The following UBE3D variants were observed in gnomAD, a reference collection of about 807,000 sequenced individuals.
The protein encoded by UBE3D is ubiquitin protein ligase E3D, also known as E3 ubiquitin-protein ligase E3D.
A neutral mutation model predicts 49.6 loss-of-function variants in UBE3D; 48 were observed. The ratio of observed to expected loss-of-function variants is 0.97; its 90% CI spans 0.77 to 1.23. The LOEUF (loss-of-function observed/expected upper bound fraction) is 1.23. UBE3D is among the 50% of genes most tolerant of loss of function. The probability of loss-of-function intolerance (pLI) is 0.00; values close to 1 mark genes in which losing one functional copy is unlikely to be tolerated. For synonymous variants in UBE3D, 189 were observed against 174.2 expected, an observed-to-expected ratio of 1.08 and a Z score of -0.67; for missense variants, 452 against 468.4, an observed-to-expected ratio of 0.96 and a Z score of 0.32.
chr6:83,015,048 T>C (rs1044224214), intron 8 of UBE3D, among the ~76,000 whole-genome samples: 4 of 152,196 alleles, frequency 2.6e-5, no homozygotes, highest in Non-Finnish European at 5.9e-5. Flanking sequence ...CACCTTGCCT[T>C]TGACAGCTGA....
Position 82,957,419 on chromosome 6 carries a change from C to T in UBE3D, c.1042G>A (p.Val348Ile), listed in dbSNP as rs139765458. The T allele has an allele frequency of 2.7e-4, 428 of 1,614,002 alleles. No individual in the cohort carries two copies. The African/African-American group carries it at 3.7e-3, about 14-fold the overall frequency. ...GCAGAGGGCAGGGTTAGCGGGTGGA[C>T]GCTGATGTCACTTTCCCACAAGCTG... ...LVSLWESDIS[V>I]HPLTLPSATC... The change falls in exon 9 of 10, where the codon GTC becomes ATC. Residue 348 changes from valine (V) to isoleucine (I), a missense_variant. Physicochemically the swap from Val to Ile is conservative, Grantham distance 29. Transcript: ENST00000369747.
intron 9 of UBE3D, among the ~76,000 whole-genome samples, chr6:82,940,871 A>G (rs1316734559): frequency 4.6e-5 from 7 of 152,296 alleles, no homozygotes; most frequent in Admixed American, 2.0e-4. Context: ...ATTAATATAT[A>G]TATTTGTGTG....
intron 9 of UBE3D, among the ~76,000 whole-genome samples, chr6:82,945,329 T>G (rs1433136574): frequency 6.6e-6 from 1 of 152,082 alleles, no homozygotes; most frequent in Non-Finnish European, 1.5e-5. Flanking sequence ...CTCCATTTGT[T>G]TAGAAGAAAG....
intron 4 of UBE3D, 56 bp downstream of exon 4, chr6:83,044,372 A>T: frequency 6.5e-7 from 1 of 1,527,460 alleles, no homozygotes; most frequent in Non-Finnish European, 9.0e-7. Flanking sequence ...AAGATTGAAG[A>T]AGTCAGTATC....
intron 9 of UBE3D, among the ~76,000 whole-genome samples, chr6:82,934,526 T>C (rs1426929535): frequency 6.6e-6 from 1 of 152,032 alleles, no homozygotes; most frequent in Non-Finnish European, 1.5e-5. Flanking sequence ...AACACAGATA[T>C]AGATGCAGAA....
intron 8 of UBE3D, among the ~76,000 whole-genome samples, chr6:83,011,237 C>T (rs565038750): frequency 2.6e-5 from 4 of 152,304 alleles, no homozygotes; most frequent in African/African-American, 9.6e-5. Context: ...TGTATACATG[C>T]ACAAACGTGT....
chr6:83,023,922 G>A, intron 6 of UBE3D, 47 bp downstream of exon 6: 3 of 1,289,352 alleles, frequency 2.3e-6, no homozygotes, highest in East Asian at 2.6e-5. Context: ...GTCTGAATGG[G>A]GAAAAAAATA....
chr6:83,056,996 A>G (rs1029249190), intron 2 of UBE3D, among the ~76,000 whole-genome samples: 1 of 152,252 alleles, frequency 6.6e-6, no homozygotes, highest in East Asian at 1.9e-4. Context: ...TATACAATAA[A>G]TAACCCTGAG....
intron 9 of UBE3D, among the ~76,000 whole-genome samples, chr6:82,898,352 C>A (rs6454310): frequency 0.051 from 7,767 of 152,202 alleles, 612 homozygotes; most frequent in African/African-American, 0.17. Context: ...GACTATAAAT[C>A]ATTCTACTAT....
chr6:83,006,859 G>A lies in UBE3D; in HGVS notation c.1010+12114C>T, dbSNP rs191401653. ...TGTTTCACAATAGAATATACTTAAC[G>A]CTACCAAAATATACACTTAAAAATG... On this transcript the variant is annotated intron_variant, in intron 8 of 9. Transcript: ENST00000369747. 1.8e-4 allele frequency among the ~76,000 whole-genome samples: 28 copies of A among 152,140 alleles called. 1 individual carries two copies. The highest frequency in any genetic ancestry group is 6.5e-4 in the African/African-American group (27 of 41,516).
chr6:83,003,167 T>G (rs1779747458), intron 8 of UBE3D, among the ~76,000 whole-genome samples: 2 of 152,192 alleles, frequency 1.3e-5, no homozygotes, highest in Admixed American at 6.5e-5. Flanking sequence ...CTTATAAAAC[T>G]ATCTCACATA....
At chr6:82,894,295 C>G (rs1771152611) in intron 9 of UBE3D, among the ~76,000 whole-genome samples, 1 of 152,152 alleles carries the variant, frequency 6.6e-6, no homozygotes, top group Non-Finnish European at 1.5e-5. Context: ...TTATCATACC[C>G]TGCCAGGCAA....
At chr6:82,945,664 A>G (rs779332685) in intron 9 of UBE3D, among the ~76,000 whole-genome samples, 11 of 152,242 alleles carry the variant, frequency 7.2e-5, no homozygotes, top group Non-Finnish European at 7.4e-5. Context: ...AACAAACTAA[A>G]TGAGGCACCA....
At chr6:82,948,733 A>G (rs191884019) in intron 9 of UBE3D, among the ~76,000 whole-genome samples, 1 of 152,174 alleles carries the variant, frequency 6.6e-6, no homozygotes, top group East Asian at 1.9e-4. Context: ...TCAGTGTGAG[A>G]TATCATATCA....
intron 8 of UBE3D, among the ~76,000 whole-genome samples, chr6:83,014,727 A>C (rs1780572222): frequency 1.3e-5 from 2 of 152,148 alleles, no homozygotes; most frequent in Non-Finnish European, 2.9e-5. Flanking sequence ...GAAGGATGGG[A>C]CAAAGATTCA....
chr6:82,904,335 C>A (rs974095616), intron 9 of UBE3D, among the ~76,000 whole-genome samples: 8 of 152,130 alleles, frequency 5.3e-5, no homozygotes, highest in South Asian at 4.1e-4. Context: ...CCACGTTAAA[C>A]GAGGACTACT....
chr6:82,912,628 T>G (rs1016156092), intron 9 of UBE3D, among the ~76,000 whole-genome samples: 2 of 152,192 alleles, frequency 1.3e-5, no homozygotes, highest in African/African-American at 4.8e-5. Flanking sequence ...GAAAGTTATA[T>G]GATGTTTTGT....
At chr6:82,928,298 T>C (rs1357491638) in intron 9 of UBE3D, among the ~76,000 whole-genome samples, 2 of 152,032 alleles carry the variant, frequency 1.3e-5, no homozygotes, top group Non-Finnish European at 1.5e-5. Flanking sequence ...TGTCAACCAC[T>C]AAAAATAAAA....
intron 8 of UBE3D, among the ~76,000 whole-genome samples, chr6:82,982,959 A>AT (rs1222795978): frequency 6.6e-6 from 1 of 152,080 alleles, no homozygotes; most frequent in South Asian, 2.1e-4. Flanking sequence ...GGTTCATAGC[A>AT]TTTTCCAAAT....
Sources: gnomAD v4.1 joint callset for allele counts (sites outside exome capture counted in the v4.1 genomes callset) on GRCh38, gnomAD v4.1.1 for gene constraint, MANE v1.5 for transcripts, NCBI Gene and HGNC (gene_info 2026-07-23, HGNC 2026-07-21) for gene names.